The following RAX variants were observed in gnomAD, a reference collection of about 807,000 sequenced individuals.
RAX encodes the protein retinal homeobox protein Rx.
Under a neutral mutation model 17.4 loss-of-function variants are expected in RAX, and 11 were observed. The observed-to-expected ratio is 0.63, with a 90% CI of 0.40 to 1.05. The LOEUF is 1.05. Among genes scored for constraint, RAX ranks in the 50% least tolerant of loss-of-function variants. The pLI is 0.00. For synonymous variants in RAX, 276 were observed against 254.7 expected (o/e 1.08, Z -0.80); for missense variants, 527 against 501.1 (o/e 1.05, Z -0.49).
intron 2 of RAX, 59 bp downstream of exon 2, chr18:59,272,302 G>A: frequency 6.2e-7 from 1 of 1,611,440 alleles, no homozygotes; most frequent in Non-Finnish European, 8.5e-7. Flanking sequence ...GAGAAGCATT[G>A]GCTGCAATTT....
chr18:59,272,808 A>G (rs868483586), intron 1 of RAX, 110 bp downstream of exon 1: 2 of 1,426,684 alleles, frequency 1.4e-6, no homozygotes, highest in East Asian at 4.7e-5. Flanking sequence ...ACGGTCCCCA[A>G]CCCCGCGCCC....
Position 59,273,025 on chromosome 18 carries a change from T to C in RAX, c.182A>G (p.Lys61Arg). The part of the protein sequence containing the change: ...FPAERGARGA[K>R]ERDRRLGARP... ...CGCGCCCAGCCTCCTATCCCGCTCC[T>C]TCGCGCCCCGGGCGCCCCGCTCCGC... The change falls in exon 1 of 3, where the codon AAG becomes AGG. Residue 61 changes from lysine to arginine, a missense_variant. Lys to Arg is a conservative substitution (Grantham distance 26). Transcript: ENST00000334889. 6.5e-7 allele frequency: 1 copy of C among 1,534,300 alleles called. No individual in the cohort carries two copies. Among genetic ancestry groups the C allele is most frequent in the Non-Finnish European group, 8.7e-7 (1 of 1,146,240 alleles).
chr18:59,271,565 A>C (rs1410842203), intron 2 of RAX, among the ~76,000 whole-genome samples: 1 of 152,178 alleles, frequency 6.6e-6, no homozygotes, highest in Non-Finnish European at 1.5e-5. Flanking sequence ...CGAACACTTG[A>C]GTGTTCTCAT....
At chr18:59,271,707 C>A (rs1456701478) in intron 2 of RAX, among the ~76,000 whole-genome samples, 3 of 152,164 alleles carry the variant, frequency 2.0e-5, no homozygotes, top group Admixed American at 2.0e-4. Context: ...TGGAAATCCT[C>A]CCAGATTTTT....
In RAX at chr18:59,269,141, A is replaced by AGGG. The variant is rs773740757; in HGVS notation, c.901_903dup (p.Pro301dup). On this transcript the variant is annotated inframe_insertion, in exon 3 of 3. Coordinates refer to ENST00000334889, the MANE Select transcript of RAX (RefSeq NM_013435.3). ...CCGAAGCCGGGCCCGCACGGGTAGG[A>AGGG]GGGCGGCGGCGGCGCGAGAGGTTGC... 1.2e-6 allele frequency: 2 copies of AGGG among 1,600,290 alleles called. No individual in the cohort carries two copies. The highest frequency in any genetic ancestry group is 1.7e-6 in the Non-Finnish European group (2 of 1,173,642).
rs1263196263 is a variant in RAX at position 59,268,263 on chromosome 18, G to A, written c.*741C>T. On this transcript the variant is annotated 3_prime_UTR_variant, in exon 3 of 3. Transcript: ENST00000334889. The surrounding 1 kb of genome is among the most constrained non-coding windows in gnomAD (Gnocchi z 4.4). ...GAACTGGGAGCGCGCTAGCATCTGA[G>A]CCTTAGCCCCATCCACTCCGGACCC... 1 of 152,308 alleles carries A rather than the reference G, an allele frequency of 6.6e-6. No individual in the cohort carries two copies. Among genetic ancestry groups the A allele is most frequent in the Non-Finnish European group, 1.5e-5 (1 of 68,150 alleles). The allele number at this position is 152,308 out of a possible 1,614,324, so 9.4% of individuals were successfully genotyped here. A position where few individuals can be genotyped will look rare whatever the true frequency, so the allele number is the denominator to read the frequency against.
rs760910025 is a variant in RAX, at chr18:59,272,499, C to T, written c.405G>A (p.Lys135=). 3.1e-6 allele frequency: 5 copies of T among 1,614,128 alleles called. No individual in the cohort carries two copies. The highest frequency in any genetic ancestry group is 2.2e-5 in the East Asian group (1 of 44,886). The part of the protein sequence containing the change: ...KLSEEEQPKK[K]HRRNRTTFTT... ...TGAAAGTCGTGCGGTTCCGCCGATGCTTTTTCTTGGGCTGTTCCTCCTCTG... is the reference window on the plus strand; with the variant it reads ...TGAAAGTCGTGCGGTTCCGCCGATGTTTTTTCTTGGGCTGTTCCTCCTCTG... Residue 135 remains lysine, a synonymous_variant, in exon 2 of 3, where the codon AAG becomes AAA. Coordinates refer to ENST00000334889, the MANE Select transcript of RAX (RefSeq NM_013435.3).
intron 2 of RAX, among the ~76,000 whole-genome samples, chr18:59,270,070 C>A (rs1016780907): frequency 2.6e-5 from 4 of 152,054 alleles, no homozygotes; most frequent in African/African-American, 9.7e-5. Flanking sequence ...GCTTTACCTA[C>A]CCTTTGTCTC....
Position 59,268,735 on chromosome 18 carries a change from CG to C in RAX, c.*268del. On this transcript the variant is annotated 3_prime_UTR_variant, in exon 3 of 3. Transcript: ENST00000334889. This position sits in a 1 kb window ranked among gnomAD's most constrained non-coding sequence, Gnocchi z 4.4. ...GCGGTGATGGGAGCGGCGTGGCCAG[CG>C]GGGCCCGGCAGCCTGTTGCCCTCCA... The C allele has an allele frequency of 1.7e-6, 1 of 575,982 alleles. No homozygotes were observed. The highest frequency in any genetic ancestry group is 2.1e-5 in the South Asian group (1 of 47,224). 35.7% of individuals were successfully genotyped at this position (575,982 alleles called of 1,614,324 possible).
Position 59,268,858 on chromosome 18 carries a change from G to A in RAX, c.*146C>T. On this transcript the variant is annotated 3_prime_UTR_variant, in exon 3 of 3. Coordinates refer to ENST00000334889, the MANE Select transcript of RAX (RefSeq NM_013435.3). This position sits in a 1 kb window ranked among gnomAD's most constrained non-coding sequence, Gnocchi z 4.4. ...TTCTCCCCGTGCATCGGGAGCAGGC[G>A]CGTGGCCCTGAACTATGCTTGGCGG... The A allele has an allele frequency of 1.5e-6, 2 of 1,321,910 alleles. No individual in the cohort carries two copies. The highest frequency in any genetic ancestry group is 2.1e-6 in the Non-Finnish European group (2 of 961,920). The allele number at this position is 1,321,910 out of a possible 1,614,324, so 81.9% of individuals were successfully genotyped here.
rs936886267 is a variant in RAX, at chr18:59,273,170, C to T, written c.37G>A (p.Gly13Arg). The T allele has an allele frequency of 1.8e-5, 27 of 1,532,046 alleles. No homozygotes were observed. Among genetic ancestry groups the T allele is most frequent in the African/African-American group, 5.5e-5 (4 of 72,514 alleles). 94.9% of individuals were successfully genotyped at this position (1,532,046 alleles called of 1,614,324 possible). ...LPGCAPAMAD[G>R]SFSLAGHLLR... The stretch of plus-strand genomic sequence containing the variant: ...AGGTGGCCGGCAAGCGAGAAGCTCC[C>T]GTCGGCCATGGCTGGCGCGCAGCCC... Residue 13 changes from glycine to arginine, a missense_variant, in exon 1 of 3, where the codon GGG becomes AGG. Transcript: ENST00000334889.
rs1568096712 is a variant in RAX, at chr18:59,269,323, A to T, written c.722T>A (p.Leu241Gln). The T allele has an allele frequency of 7.7e-7, 1 of 1,300,440 alleles. No homozygotes were observed. The highest frequency in any genetic ancestry group is 9.7e-7 in the Non-Finnish European group (1 of 1,030,358). 80.6% of individuals were successfully genotyped at this position (1,300,440 alleles called of 1,614,324 possible). The change falls in exon 3 of 3, where the codon CTG becomes CAG. Residue 241 changes from leucine to glutamine, a missense_variant. Coordinates refer to ENST00000334889, the MANE Select transcript of RAX (RefSeq NM_013435.3). ...GGGPAGGALP[L>Q]ESWLGPPLPG... ...CAGCGGCGGCCCGAGCCAGGACTCC[A>T]GCGGCAGCGCGCCCCCAGCCGGCCC...
Position 59,269,128 on chromosome 18 carries a change from C to A in RAX, c.917G>T (p.Gly306Val), listed in dbSNP as rs552408691. The A allele has an allele frequency of 6.8e-6, 11 of 1,606,388 alleles. No individual in the cohort carries two copies. In the African/African-American group the frequency reaches 1.5e-4, roughly 21 times the overall value. The change falls in exon 3 of 3, where the codon GGG (glycine) becomes GTG (valine). Residue 306 changes from glycine to valine, a missense_variant. Gly to Val is a moderately radical substitution (Grantham distance 109). Transcript: ENST00000334889. ...LAPPPPSYPC[G>V]PGFGDKFPLD... ...CGGGAACTTGTCCCCGAAGCCGGGC[C>A]CGCACGGGTAGGAGGGCGGCGGCGG... is the stretch of plus-strand genomic sequence containing the variant.
At position 59,273,150 on chromosome 18, in the gene RAX, G is replaced by A; in HGVS notation, c.57C>T (p.Gly19=). 1 of 1,533,762 alleles carries A rather than the reference G, an allele frequency of 6.5e-7. No individual in the cohort carries two copies. ...TCCCGCCCGGGCTGCGGAGCAGGTG[G>A]CCGGCAAGCGAGAAGCTCCCGTCGG... is the stretch of plus-strand genomic sequence containing the variant. ...AMADGSFSLA[G]HLLRSPGGST... is the part of the protein sequence containing the mutation. Residue 19 remains glycine (G), a synonymous_variant, in exon 1 of 3, where the codon GGC becomes GGT. Transcript: ENST00000334889.
chr18:59,269,408 T>C lies in RAX; in HGVS notation c.637A>G (p.Ser213Gly). 1.3e-6 allele frequency: 2 copies of C among 1,555,718 alleles called. No homozygotes were observed. The highest frequency in any genetic ancestry group is 1.7e-6 in the Non-Finnish European group (2 of 1,159,232). Residue 213 changes from serine to glycine, a missense_variant, in exon 3 of 3, where the codon AGC (serine) becomes GGC (glycine). Transcript: ENST00000334889. ...KLQDSPLLSF[S>G]RSPPSATLSP... is the part of the protein sequence containing the mutation. Reference sequence around the variant, plus strand: ...AGCGTCGCGGAGGGCGGGGAGCGGCTGAAGGAGAGGAGGGGCGAGTCCTGC... The same window carrying C: ...AGCGTCGCGGAGGGCGGGGAGCGGCCGAAGGAGAGGAGGGGCGAGTCCTGC...
intron 2 of RAX, among the ~76,000 whole-genome samples, chr18:59,270,604 G>A (rs1292906391): frequency 6.6e-6 from 1 of 152,202 alleles, no homozygotes. Flanking sequence ...ATTTATGAAG[G>A]GAAATGGGGA....
Position 59,272,999 on chromosome 18 carries a change from G to C in RAX, c.208C>G (p.Arg70Gly). 6.6e-7 allele frequency: 1 copy of C among 1,525,090 alleles called. No homozygotes were observed. The highest frequency in any genetic ancestry group is 8.7e-7 in the Non-Finnish European group (1 of 1,143,194). 94.5% of individuals were successfully genotyped at this position (1,525,090 alleles called of 1,614,324 possible). A position where few individuals can be genotyped will look rare whatever the true frequency, so the allele number is the denominator to read the frequency against. ...TCGGGCGCCTTGGGGCAGGCGGGCCGCGCGCCCAGCCTCCTATCCCGCTCC... is the reference window on the plus strand; with the variant it reads ...TCGGGCGCCTTGGGGCAGGCGGGCCCCGCGCCCAGCCTCCTATCCCGCTCC... ...AKERDRRLGARPACPKAPEEG... is the reference protein window; with the variant it reads ...AKERDRRLGAGPACPKAPEEG... Residue 70 changes from arginine (R) to glycine (G), a missense_variant, in exon 1 of 3, where the codon CGG becomes GGG. Transcript: ENST00000334889.
At chr18:59,272,764 T>G in intron 1 of RAX, 150 bp from the exon 2 acceptor site, 1 of 1,365,044 alleles carries the variant, frequency 7.3e-7, no homozygotes, top group Non-Finnish European at 9.7e-7. Context: ...GTCCTAAGCT[T>G]TCTCTGAATG....
In RAX at chr18:59,268,578, C is replaced by T. The variant is rs1457969842; in HGVS notation, c.*426G>A. 1.2e-5 allele frequency: 3 copies of T among 248,442 alleles called. No individual in the cohort carries two copies. The highest frequency in any genetic ancestry group is 2.3e-5 in the Non-Finnish European group (3 of 129,466). 15.4% of individuals were successfully genotyped at this position (248,442 alleles called of 1,614,324 possible). ...CTCAAATAGTTTGAAACTACTTATACAAAAGTTTCTCAAACTCTATTTTTC... is the reference window on the plus strand; with the variant it reads ...CTCAAATAGTTTGAAACTACTTATATAAAAGTTTCTCAAACTCTATTTTTC... On this transcript the variant is annotated 3_prime_UTR_variant, in exon 3 of 3. Transcript: ENST00000334889. This position sits in a 1 kb window ranked among gnomAD's most constrained non-coding sequence, Gnocchi z 4.4.
Sources: allele counts gnomAD v4.1 joint callset (sites outside exome capture counted in the v4.1 genomes callset), GRCh38; gene constraint gnomAD v4.1.1; non-coding constraint Gnocchi (gnomAD v3.1); transcripts MANE v1.5; gene names NCBI Gene and HGNC (gene_info 2026-07-23, HGNC 2026-07-21).